Variants in NUP153 observed in about 807,000 individuals in gnomAD.
NUP153 encodes nuclear pore complex protein Nup153.
NUP153 carries 27 observed loss-of-function variants against 134.6 expected under a neutral mutation model. That is an observed-to-expected ratio of 0.20 (90% confidence interval 0.15 to 0.28). NUP153 has a LOEUF of 0.28. Among genes scored for constraint, NUP153 ranks in the 10% least tolerant of loss-of-function variants. The pLI is 1.00. For missense variants in NUP153, 1,821 were observed against 1,731.3 expected (o/e 1.05, Z -0.92); for synonymous variants, 640 against 623.5 (o/e 1.03, Z -0.40).
At chr6:17,632,284 G>A (rs1003007887) in intron 17 of NUP153, among the ~76,000 whole-genome samples, 1 of 151,596 alleles carries the variant, frequency 6.6e-6, no homozygotes, top group Non-Finnish European at 1.5e-5. Flanking sequence ...CTGGGCAAAA[G>A]AACAAAACTG....
At chr6:17,692,593 G>A (rs1365362372) in intron 1 of NUP153, among the ~76,000 whole-genome samples, 1 of 152,126 alleles carries the variant, frequency 6.6e-6, no homozygotes, top group African/African-American at 2.4e-5. Flanking sequence ...CAGTATGAAG[G>A]AACAAACATC....
intron 10 of NUP153, 38 bp downstream of exon 10, chr6:17,661,980 A>C (rs750736295): frequency 6.9e-7 from 1 of 1,447,470 alleles, no homozygotes; most frequent in Admixed American, 1.8e-5. Flanking sequence ...TTACAAGTTA[A>C]ATATAAAGAA....
Position 17,665,347 on chromosome 6 carries a change from G to T in NUP153, c.1107C>A (p.Thr369=). Residue 369 remains threonine (T), a synonymous_variant, in exon 9 of 22, where the codon ACC becomes ACA. Transcript: ENST00000262077. ...TTGTTGCTATGGAAACTGGCTTTGG[G>T]GTCATAAGTCTCTGAACAGGAGGAT... The part of the protein sequence containing the change: ...SQYPPVQRLM[T]PKPVSIATNR... The T allele has an allele frequency of 1.2e-6, 2 of 1,613,328 alleles. No individual in the cohort carries two copies. Among genetic ancestry groups the T allele is most frequent in the Non-Finnish European group, 1.7e-6 (2 of 1,179,588 alleles).
chr6:17,676,307 A>G (rs1430051221), intron 2 of NUP153, among the ~76,000 whole-genome samples: 4 of 152,138 alleles, frequency 2.6e-5, no homozygotes, highest in Admixed American at 1.3e-4. Flanking sequence ...CCTTTCCTCA[A>G]TGATTGAGAA....
At chr6:17,684,299 C>G (rs542501983) in intron 2 of NUP153, among the ~76,000 whole-genome samples, 25 of 152,320 alleles carry the variant, frequency 1.6e-4, no homozygotes, top group Admixed American at 1.4e-3. Flanking sequence ...TATTGCAGCT[C>G]CTACATCAGC....
intron 14 of NUP153, 145 bp from the exon 15 acceptor site, chr6:17,640,209 C>A: frequency 3.5e-6 from 2 of 573,534 alleles, no homozygotes; most frequent in Admixed American, 3.8e-5. Context: ...AAACAAATGA[C>A]TTTACAGGGA....
chr6:17,649,367 C>T, intron 11 of NUP153, 67 bp from the exon 12 acceptor site: 1 of 1,470,330 alleles, frequency 6.8e-7, no homozygotes, highest in Non-Finnish European at 9.3e-7. Context: ...TACTTATTTT[C>T]AGCATGAAAG....
chr6:17,684,372 A>C (rs1220952013), intron 2 of NUP153, among the ~76,000 whole-genome samples: 3 of 152,182 alleles, frequency 2.0e-5, no homozygotes, highest in African/African-American at 7.2e-5. Flanking sequence ...AACCTCATGA[A>C]TAAATCTCTG....
At chr6:17,670,585 G>C (rs1023090342) in intron 5 of NUP153, among the ~76,000 whole-genome samples, 1 of 152,194 alleles carries the variant, frequency 6.6e-6, no homozygotes, top group South Asian at 2.1e-4. Context: ...AACAGTAGCA[G>C]TGATAGCAGA....
intron 20 of NUP153, among the ~76,000 whole-genome samples, chr6:17,618,711 G>A (rs1458384892): frequency 3.3e-5 from 5 of 151,938 alleles, no homozygotes; most frequent in Admixed American, 2.6e-4. Context: ...GACTACAGGC[G>A]CCCGCCACCA....
intron 1 of NUP153, among the ~76,000 whole-genome samples, chr6:17,694,992 A>G (rs553797380): frequency 4.2e-4 from 61 of 145,180 alleles, no homozygotes; most frequent in East Asian, 3.3e-3. Flanking sequence ...GAAAAAAAAA[A>G]AGAGAGAGTG....
At chr6:17,704,089 G>C (rs1361007330) in intron 1 of NUP153, among the ~76,000 whole-genome samples, 1 of 152,174 alleles carries the variant, frequency 6.6e-6, no homozygotes, top group Non-Finnish European at 1.5e-5. Context: ...TCAGGAGATC[G>C]AGATCGTCCT....
intron 1 of NUP153, among the ~76,000 whole-genome samples, chr6:17,699,946 C>G (rs906374450): frequency 1.3e-5 from 2 of 152,168 alleles, no homozygotes; most frequent in Non-Finnish European, 2.9e-5. Context: ...ATGGATACAG[C>G]AAGTGGACTT....
In NUP153 at chr6:17,617,621, C is replaced by G. The variant is rs566449754; in HGVS notation, c.4175-926G>C. Among the ~76,000 whole-genome samples, 15 of 152,148 alleles carry G rather than the reference C, an allele frequency of 9.9e-5. No homozygotes were observed. The East Asian group carries it at 2.1e-3, about 22-fold the overall frequency. On this transcript the variant is annotated intron_variant, in intron 20 of 21. Coordinates refer to ENST00000262077, the MANE Select transcript of NUP153 (RefSeq NM_005124.4). The stretch of plus-strand genomic sequence containing the variant: ...ACTTTGGGAGGCCAAGGCAGGTGGA[C>G]TGCTTGAGCCCAGGAGTTTGAGAAC...
chr6:17,649,155 T>C lies in NUP153; in HGVS notation c.1533+8A>G. The C allele has an allele frequency of 6.2e-7, 1 of 1,608,468 alleles. No individual in the cohort carries two copies. The highest frequency in any genetic ancestry group is 8.5e-7 in the Non-Finnish European group (1 of 1,177,928). On this transcript the variant is annotated splice_region_variant and intron_variant, in intron 12 of 21. Coordinates refer to ENST00000262077, the MANE Select transcript of NUP153 (RefSeq NM_005124.4). ...AATGTCACCTGTATTTATATAATGG[T>C]TTTGTACCTTGTTTGTTAATGCTTG...
chr6:17,665,122 C>A, intron 9 of NUP153, 117 bp downstream of exon 9: 12 of 518,792 alleles, frequency 2.3e-5, no homozygotes, highest in Non-Finnish European at 3.1e-5. Context: ...ATCACTAATT[C>A]ACAACCTTTA....
rs1158141291 is a variant in NUP153 at position 17,680,809 on chromosome 6, G to A, written c.335-5039C>T. On this transcript the variant is annotated intron_variant, in intron 2 of 21. Coordinates refer to ENST00000262077, the MANE Select transcript of NUP153 (RefSeq NM_005124.4). This position sits in a 1 kb window ranked among gnomAD's most constrained non-coding sequence, Gnocchi z 4.5. ...AGGATGTAGAGAAAGGAGAATCCTT[G>A]TACACTGTTGTTGGTGGGAATTATC... Among the ~76,000 whole-genome samples, 1 of 152,196 alleles carries A rather than the reference G, an allele frequency of 6.6e-6. No individual in the cohort carries two copies. Among genetic ancestry groups the A allele is most frequent in the Non-Finnish European group, 1.5e-5 (1 of 68,036 alleles).
In NUP153 at chr6:17,632,857, A is replaced by C. The variant is rs749045641; in HGVS notation, c.2465-13T>G. 35 of 1,544,438 alleles carry C rather than the reference A, an allele frequency of 2.3e-5. No individual in the cohort carries two copies. In the African/African-American group the frequency reaches 3.1e-4, roughly 14 times the overall value. Reference sequence around the variant, plus strand: ...GGTACTGAACTTCCTAAAAAAAAAAAAAAAAACGGGGAGTGGGGGGAGATT... The same window carrying C: ...GGTACTGAACTTCCTAAAAAAAAAACAAAAAACGGGGAGTGGGGGGAGATT... On this transcript the variant is annotated splice_polypyrimidine_tract_variant and intron_variant, in intron 16 of 21. Transcript: ENST00000262077.
chr6:17,629,522 A>C lies in NUP153; in HGVS notation c.2677T>G (p.Ser893Ala). Residue 893 changes from serine to alanine, a missense_variant, in exon 18 of 22, where the codon TCA becomes GCA. Coordinates refer to ENST00000262077, the MANE Select transcript of NUP153 (RefSeq NM_005124.4). The part of the protein sequence containing the change: ...SGFKGFDTSS[S>A]SSNSAASSSF... ...GAGGAGGCTGCTGAGTTCGAAGATG[A>C]GGAAGATGTGTCAAAGCCTACAAAA... 6.3e-7 allele frequency: 1 copy of C among 1,596,492 alleles called. No individual in the cohort carries two copies. Among genetic ancestry groups the C allele is most frequent in the Non-Finnish European group, 8.5e-7 (1 of 1,175,174 alleles).
Sources: allele counts gnomAD v4.1 joint callset (sites outside exome capture counted in the v4.1 genomes callset), GRCh38; gene constraint gnomAD v4.1.1; non-coding constraint Gnocchi (gnomAD v3.1); transcripts MANE v1.5; gene names NCBI Gene and HGNC (gene_info 2026-07-23, HGNC 2026-07-21).